Variants in DOCK8 observed in about 807,000 individuals in gnomAD.
DOCK8 encodes the protein dedicator of cytokinesis 8, also known as dedicator of cytokinesis protein 8.
In DOCK8, 141 loss-of-function variants were observed where a neutral mutation model predicts 245.6. That is an observed-to-expected ratio of 0.57 (90% CI 0.50 to 0.66). The LOEUF is 0.66. DOCK8 is among the 30% of genes least tolerant of loss of function. The pLI, the probability that DOCK8 is intolerant of heterozygous loss-of-function variation, is 0.00. For synonymous variants in DOCK8, 1,168 were observed against 970.2 expected (o/e 1.20, Z -3.79); for missense variants, 2,965 against 2,603.4 (o/e 1.14, Z -3.02).
At chr9:305,555 G>T (rs1215302303) in intron 5 of DOCK8, among the ~76,000 whole-genome samples, 2 of 152,180 alleles carry the variant, frequency 1.3e-5, no homozygotes, top group East Asian at 1.9e-4. Flanking sequence ...AAAGTGCTGG[G>T]ATTACAGGCA....
intron 1 of DOCK8, among the ~76,000 whole-genome samples, chr9:264,783 T>C (rs1296267308): frequency 6.6e-6 from 1 of 152,190 alleles, no homozygotes; most frequent in East Asian, 1.9e-4. Context: ...ATTTCTTTTA[T>C]GTGGTCAACT....
rs146360124 is a variant in DOCK8, at chr9:448,240, G to A, written c.5818-1544G>A. On this transcript the variant is annotated intron_variant, in intron 44 of 47. Coordinates refer to ENST00000432829, the MANE Select transcript of DOCK8 (RefSeq NM_203447.4). ...CCTGTGTAGCTGGGACTACAGGCTT[G>A]TGCCACCATGCCCAGCTAATTAAAA... is the stretch of plus-strand genomic sequence containing the variant. Among the ~76,000 whole-genome samples, 113 of 152,198 alleles carry A rather than the reference G, an allele frequency of 7.4e-4. No homozygotes were observed. The East Asian group carries it at 0.019, about 25-fold the overall frequency.
chr9:221,163 T>C (rs1471392470), intron 1 of DOCK8, among the ~76,000 whole-genome samples: 1 of 152,106 alleles, frequency 6.6e-6, no homozygotes, highest in Non-Finnish European at 1.5e-5. Flanking sequence ...ACTAAGCAAA[T>C]TGATAAAGTT....
At chr9:342,462 TTTTTTTCG>T (rs760442562) in intron 14 of DOCK8, among the ~76,000 whole-genome samples, 27 of 32,204 alleles carry the variant, frequency 8.4e-4, no homozygotes, top group Admixed American at 1.2e-3. Context: ...TTTTTTGGGG[TTTTTTTCG>T]TTTTTTTGTT....
intron 33 of DOCK8, among the ~76,000 whole-genome samples, chr9:423,374 T>C (rs996881261): frequency 6.6e-6 from 1 of 152,032 alleles, no homozygotes; most frequent in Non-Finnish European, 1.5e-5. Context: ...GCCTAATGAG[T>C]CCCAGGGTTT....
intron 19 of DOCK8, among the ~76,000 whole-genome samples, chr9:376,653 A>T (rs979093000): frequency 6.6e-6 from 1 of 151,610 alleles, no homozygotes; most frequent in Non-Finnish European, 1.5e-5. Flanking sequence ...TCTCTCCTTT[A>T]CCTGCCACTG....
intron 6 of DOCK8, among the ~76,000 whole-genome samples, chr9:314,947 C>A (rs1239281224): frequency 1.3e-5 from 2 of 152,102 alleles, no homozygotes; most frequent in African/African-American, 4.8e-5. Context: ...AAGTTCTTTC[C>A]CTAATTCATT....
chr9:355,941 T>G (rs1750139189), intron 14 of DOCK8, among the ~76,000 whole-genome samples: 1 of 152,162 alleles, frequency 6.6e-6, no homozygotes, highest in African/African-American at 2.4e-5. Context: ...GTAGTTCCAA[T>G]CCTTCCCCCA....
chr9:241,319 A>C (rs987660724), intron 1 of DOCK8, among the ~76,000 whole-genome samples: 1 of 152,138 alleles, frequency 6.6e-6, no homozygotes, highest in Non-Finnish European at 1.5e-5. Flanking sequence ...AGAGCACTAG[A>C]ACGTATTCCT....
At position 403,899 on chromosome 9, in the gene DOCK8, TATATATATATATATATAC is replaced by T. The variant is rs1349505771; in HGVS notation, c.3235-1006_3235-989del. On this transcript the variant is annotated intron_variant, in intron 26 of 47. Transcript: ENST00000432829. The stretch of plus-strand genomic sequence containing the variant: ...CTCTCTCTCTCTCTCTCTCTATATA[TATATATATATATATATAC>T]ATATATATATATGTGTATATATATA... Among the ~76,000 whole-genome samples the T allele has an allele frequency of 8.0e-3, 593 of 74,286 alleles. 12 individuals are homozygous for T. Among genetic ancestry groups the T allele is most frequent in the African/African-American group, 0.049 (561 of 11,340 alleles). The allele number at this position is 74,286 out of a possible 152,430, so 48.7% of individuals were successfully genotyped here. A position where few individuals can be genotyped will look rare whatever the true frequency, so the allele number is the denominator to read the frequency against.
chr9:396,941 G>A lies in DOCK8; in HGVS notation c.3120+7G>A. ...TTTAGTAAAACCACAGAAGGTAACT[G>A]TATTTTACTCTTTATTTTCTAAATT... On this transcript the variant is annotated splice_region_variant and intron_variant, in intron 25 of 47. Coordinates refer to ENST00000432829, the MANE Select transcript of DOCK8 (RefSeq NM_203447.4). 1.2e-6 allele frequency: 2 copies of A among 1,613,236 alleles called. No homozygotes were observed. Among genetic ancestry groups the A allele is most frequent in the Non-Finnish European group, 1.7e-6 (2 of 1,179,314 alleles).
At chr9:233,689 A>G (rs1302319495) in intron 1 of DOCK8, among the ~76,000 whole-genome samples, 1 of 152,124 alleles carries the variant, frequency 6.6e-6, no homozygotes, top group Non-Finnish European at 1.5e-5. Context: ...GTTGGTTGAA[A>G]GTCTGTTTCA....
intron 46 of DOCK8, among the ~76,000 whole-genome samples, chr9:457,894 C>G (rs1190909252): frequency 6.6e-6 from 1 of 152,166 alleles, no homozygotes; most frequent in Non-Finnish European, 1.5e-5. Flanking sequence ...AGGCTCTTAT[C>G]ACCCACACAT....
In DOCK8 at chr9:346,816, C is replaced by T. The variant is rs563552834; in HGVS notation, c.1679+6495C>T. ...GCGTAGCATGCATGCAGGACCTGACCGGAAGGAATGTCTGCGAGTTATGAT... is the reference window on the plus strand; with the variant it reads ...GCGTAGCATGCATGCAGGACCTGACTGGAAGGAATGTCTGCGAGTTATGAT... On this transcript the variant is annotated intron_variant, in intron 14 of 47. Transcript: ENST00000432829. Among the ~76,000 whole-genome samples, 149 of 149,446 alleles carry T rather than the reference C, an allele frequency of 1.0e-3. 1 individual carries two copies. Among genetic ancestry groups the T allele is most frequent in the African/African-American group, 3.6e-3 (141 of 38,920 alleles).
intron 26 of DOCK8, among the ~76,000 whole-genome samples, chr9:400,081 A>T (rs368225937): frequency 3.4e-3 from 334 of 98,882 alleles, no homozygotes; most frequent in East Asian, 0.015. Flanking sequence ...CACCATCACC[A>T]CCACCTCCAC....
chr9:269,230 C>A (rs1445785677), intron 1 of DOCK8, among the ~76,000 whole-genome samples: 3 of 152,194 alleles, frequency 2.0e-5, no homozygotes, highest in Non-Finnish European at 4.4e-5. Context: ...ATATCCCCAA[C>A]CTTAGGTGAC....
At chr9:229,516 G>A (rs1203203224) in intron 1 of DOCK8, among the ~76,000 whole-genome samples, 4 of 152,160 alleles carry the variant, frequency 2.6e-5, no homozygotes, top group Non-Finnish European at 5.9e-5. Flanking sequence ...AGATAAAGCA[G>A]CGGTTTGAGA....
intron 1 of DOCK8, among the ~76,000 whole-genome samples, chr9:248,827 G>T (rs1272034246): frequency 6.6e-6 from 1 of 152,182 alleles, no homozygotes; most frequent in Non-Finnish European, 1.5e-5. Flanking sequence ...AAGCAGGGGT[G>T]CTGCTTGAAG....
intron 1 of DOCK8, among the ~76,000 whole-genome samples, chr9:239,184 C>G (rs912479682): frequency 2.6e-5 from 4 of 152,292 alleles, no homozygotes; most frequent in African/African-American, 4.8e-5. Flanking sequence ...CAAAATTTAT[C>G]CCTCTGAAAC....
Sources: allele counts gnomAD v4.1 joint callset (sites outside exome capture counted in the v4.1 genomes callset), GRCh38; gene constraint gnomAD v4.1.1; transcripts MANE v1.5; gene names NCBI Gene and HGNC (gene_info 2026-07-23, HGNC 2026-07-21).